Variants in VPS13B observed in about 807,000 individuals in gnomAD.
VPS13B encodes vacuolar protein sorting 13 homolog B.
Under a neutral mutation model 426.4 loss-of-function variants are expected in VPS13B, and 285 were observed. That is an observed-to-expected ratio of 0.67 (90% confidence interval 0.61 to 0.74). The LOEUF (loss-of-function observed/expected upper bound fraction) is 0.74. Ranked by LOEUF, VPS13B falls within the 30% of genes least tolerant of loss-of-function variation. The pLI, the probability that VPS13B is intolerant of heterozygous loss-of-function variation, is 0.00. For synonymous variants in VPS13B, 1,676 were observed against 1,676.4 expected (o/e 1.00, Z 0.01); for missense variants, 4,537 against 4,782.6 (o/e 0.95, Z 1.51).
chr8:99,137,212 A>AT (rs1426154845), intron 12 of VPS13B, among the ~76,000 whole-genome samples: 1 of 151,352 alleles, frequency 6.6e-6, no homozygotes, highest in Admixed American at 6.6e-5. Flanking sequence ...ATTATTTTCT[A>AT]TTTTTTGGAA....
chr8:99,107,580 A>G (rs532583058), intron 5 of VPS13B, among the ~76,000 whole-genome samples: 17 of 152,020 alleles, frequency 1.1e-4, no homozygotes, highest in South Asian at 4.2e-4. Context: ...CTTTTCTACT[A>G]TTAGAGGCAG....
At chr8:99,873,776 G>C (rs2130984386) in intron 61 of VPS13B, among the ~76,000 whole-genome samples, 2 of 152,280 alleles carry the variant, frequency 1.3e-5, no homozygotes, top group South Asian at 4.1e-4. Context: ...GAGTGGGCAG[G>C]GGAGGGTGGC....
chr8:99,206,850 C>G (rs998399907), intron 17 of VPS13B, among the ~76,000 whole-genome samples: 1 of 151,920 alleles, frequency 6.6e-6, no homozygotes, highest in Non-Finnish European at 1.5e-5. Context: ...TCCCCCAACA[C>G]CATCATGTCT....
intron 43 of VPS13B, 72 bp downstream of exon 43, chr8:99,784,548 T>C: frequency 6.3e-7 from 1 of 1,584,440 alleles, no homozygotes; most frequent in Non-Finnish European, 8.7e-7. Flanking sequence ...CTTGTGTGCC[T>C]GTCCAGTTAT....
At chr8:99,308,508 C>A (rs1426838774) in intron 19 of VPS13B, among the ~76,000 whole-genome samples, 1 of 152,178 alleles carries the variant, frequency 6.6e-6, no homozygotes, top group Non-Finnish European at 1.5e-5. Context: ...AGGACATGAA[C>A]TCATCCTTTT....
intron 30 of VPS13B, among the ~76,000 whole-genome samples, chr8:99,538,037 G>C (rs1458385257): frequency 6.6e-6 from 1 of 152,110 alleles, no homozygotes; most frequent in Non-Finnish European, 1.5e-5. Context: ...TAGCATTACT[G>C]TCGACAGATG....
At position 99,875,528 on chromosome 8, in the gene VPS13B, A is replaced by G; in HGVS notation, c.11856A>G (p.Pro3952=). ...CCAGCTGTTCTTCCATGCAAATACC[A>G]TGCCCTGTGGTGGCTGCAGAACCTC... ...LAPSCSSMQI[P]CPVVAAEPPP... is the part of the protein sequence containing the mutation. The change falls in exon 62 of 62, where the codon CCA becomes CCG. Residue 3952 remains proline (P), a synonymous_variant. Coordinates refer to ENST00000357162, the MANE Select transcript of VPS13B (RefSeq NM_152564.5). 1 of 1,614,052 alleles carries G rather than the reference A, an allele frequency of 6.2e-7. No individual in the cohort carries two copies.
intron 35 of VPS13B, 34 bp downstream of exon 35, chr8:99,661,525 T>C (rs1223083344): frequency 6.2e-7 from 1 of 1,606,274 alleles, no homozygotes; most frequent in Non-Finnish European, 8.5e-7. Context: ...TGTGTGTACA[T>C]TTTTTATGTG....
chr8:99,814,812 C>A (rs1422687477), intron 44 of VPS13B, among the ~76,000 whole-genome samples: 4 of 152,126 alleles, frequency 2.6e-5, no homozygotes, highest in Non-Finnish European at 4.4e-5. Flanking sequence ...GGAAGAGAAG[C>A]AATGGTGTCT....
At chr8:99,043,168 T>G (rs1843052594) in intron 3 of VPS13B, among the ~76,000 whole-genome samples, 1 of 152,120 alleles carries the variant, frequency 6.6e-6, no homozygotes, top group South Asian at 2.1e-4. Context: ...TTTTTTAATT[T>G]TGTTTACATT....
At chr8:99,764,714 A>G (rs776529339) in intron 39 of VPS13B, among the ~76,000 whole-genome samples, 2 of 151,932 alleles carry the variant, frequency 1.3e-5, no homozygotes, top group Non-Finnish European at 2.9e-5. Flanking sequence ...CACACCTGGC[A>G]TAGAGATATA....
intron 3 of VPS13B, among the ~76,000 whole-genome samples, chr8:99,066,541 C>T (rs566287185): frequency 6.6e-6 from 1 of 152,110 alleles, no homozygotes; most frequent in East Asian, 1.9e-4. Flanking sequence ...CCTAAAACCA[C>T]AAAAACCCTA....
Position 99,203,770 on chromosome 8 carries a change from G to C in VPS13B, c.2515+10713G>C, listed in dbSNP as rs1380767608. Among the ~76,000 whole-genome samples the C allele has an allele frequency of 5.3e-5, 8 of 152,226 alleles. No individual in the cohort carries two copies. In the East Asian group the frequency reaches 1.5e-3, roughly 29 times the overall value. ...AACTCCCATTCACAATTTTTACAAA[G>C]AGAATAAAATACCTAGGAATCCAAC... On this transcript the variant is annotated intron_variant, in intron 17 of 61. Coordinates refer to ENST00000357162, the MANE Select transcript of VPS13B (RefSeq NM_152564.5).
chr8:99,624,845 T>G (rs1200890676), intron 33 of VPS13B, among the ~76,000 whole-genome samples: 1 of 151,732 alleles, frequency 6.6e-6, no homozygotes, highest in Non-Finnish European at 1.5e-5. Context: ...GAGATGGAGT[T>G]TTGCTCTTGT....
At chr8:99,770,191 C>T (rs1278295916) in intron 40 of VPS13B, among the ~76,000 whole-genome samples, 1 of 152,084 alleles carries the variant, frequency 6.6e-6, no homozygotes, top group Admixed American at 6.6e-5. Context: ...AGTTAGGTTC[C>T]TATATCTTTA....
intron 17 of VPS13B, among the ~76,000 whole-genome samples, chr8:99,214,855 A>T (rs1815299043): frequency 6.6e-6 from 1 of 152,194 alleles, no homozygotes; most frequent in South Asian, 2.1e-4. Flanking sequence ...GTAGGATAAA[A>T]ACTTAAATAT....
chr8:99,481,873 A>G, intron 25 of VPS13B, 71 bp downstream of exon 25: 1 of 1,541,220 alleles, frequency 6.5e-7, no homozygotes, highest in East Asian at 2.3e-5. Context: ...ATCATGGTTT[A>G]AAATGAAGAT....
At chr8:99,025,098 C>T (rs190510135) in intron 2 of VPS13B, among the ~76,000 whole-genome samples, 457 of 151,952 alleles carry the variant, frequency 3.0e-3, no homozygotes, top group Non-Finnish European at 4.2e-3. Flanking sequence ...AGTTTGTTAT[C>T]GTTGTATGGA....
chr8:99,621,017 T>G (rs1031260988), intron 33 of VPS13B, among the ~76,000 whole-genome samples: 2 of 144,406 alleles, frequency 1.4e-5, no homozygotes, highest in African/African-American at 5.1e-5. Flanking sequence ...AAAAGTGCCA[T>G]GTGTCTGAGA....
Sources: gnomAD v4.1 joint callset for allele counts (sites outside exome capture counted in the v4.1 genomes callset) on GRCh38, gnomAD v4.1.1 for gene constraint, MANE v1.5 for transcripts, NCBI Gene and HGNC (gene_info 2026-07-23, HGNC 2026-07-21) for gene names.